The following GJA5 variants were observed in gnomAD, a reference collection of about 807,000 sequenced individuals.
The protein encoded by GJA5 is gap junction alpha-5 protein.
A neutral mutation model predicts 7.9 loss-of-function variants in GJA5; 3 were observed. That is an observed-to-expected ratio of 0.38 (90% CI 0.17 to 0.99). GJA5 has a LOEUF of 0.99. Among genes scored for constraint, GJA5 ranks in the 50% least tolerant of loss-of-function variants. The pLI is 0.38. For missense variants in GJA5, 390 were observed against 457.9 expected (o/e 0.85, Z 1.35); for synonymous variants, 193 against 181.0 (o/e 1.07, Z -0.53).
Position 147,758,927 on chromosome 1 carries a change from C to G in GJA5, c.312G>C (p.Glu104Asp). ...GHAMHTVRMQ[E>D]KRKLREAERA... ...TCTCGGCCTCCCGTAGCTTGCGCTT[C>G]TCCTGCATGCGCACAGTGTGCATGG... The change falls in exon 2 of 2, where the codon GAG (glutamate) becomes GAC (aspartate). Residue 104 changes from glutamate (E) to aspartate (D), a missense_variant. By Grantham distance (45) the Glu-to-Asp change is conservative (BLOSUM62 2). Transcript: ENST00000579774. 1 of 1,614,248 alleles carries G rather than the reference C, an allele frequency of 6.2e-7. No homozygotes were observed. Among genetic ancestry groups the G allele is most frequent in the Non-Finnish European group, 8.5e-7 (1 of 1,180,050 alleles).
upstream of GJA5, among the ~76,000 whole-genome samples, chr1:147,762,847 T>C (rs1177978475): frequency 3.9e-5 from 6 of 152,236 alleles, no homozygotes; most frequent in African/African-American, 1.2e-4. Context: ...ACTGGGCGTA[T>C]AGCATATAAA....
chr1:147,761,412 T>C (rs1664007867), upstream of GJA5, among the ~76,000 whole-genome samples: 1 of 152,128 alleles, frequency 6.6e-6, no homozygotes, highest in African/African-American at 2.4e-5. Context: ...AGCTCTTGAG[T>C]TGATTGTTGC....
chr1:147,762,169 A>C (rs1014906514), upstream of GJA5, among the ~76,000 whole-genome samples: 8 of 152,220 alleles, frequency 5.3e-5, no homozygotes, highest in African/African-American at 1.7e-4. Context: ...GGAGGGAAAA[A>C]GAGAAAGCAG....
At chr1:147,760,337 G>A (rs587705137) in intron 1 of GJA5, among the ~76,000 whole-genome samples, 162 bp downstream of exon 1, 1 of 152,184 alleles carries the variant, frequency 6.6e-6, no homozygotes, top group African/African-American at 2.4e-5. Flanking sequence ...GCCATGCCAA[G>A]TCTTCCCAAA....
chr1:147,766,508 G>C (rs1427099412), intron 1 of GJA5, among the ~76,000 whole-genome samples: 2 of 152,120 alleles, frequency 1.3e-5, no homozygotes, highest in Non-Finnish European at 2.9e-5. Flanking sequence ...AATGACGATG[G>C]TGACCAGAAC....
At chr1:147,764,591 G>A (rs1344660546), upstream of GJA5, among the ~76,000 whole-genome samples, 3 of 152,048 alleles carry the variant, frequency 2.0e-5, no homozygotes, top group Non-Finnish European at 4.4e-5. Context: ...TTGGAAGGCC[G>A]AGGCGGGCAG....
intron 1 of GJA5, among the ~76,000 whole-genome samples, chr1:147,769,445 C>T (rs1417043936): frequency 1.3e-5 from 2 of 152,216 alleles, no homozygotes; most frequent in African/African-American, 4.8e-5. Flanking sequence ...ACTCATCTAA[C>T]AAATAGGAAT....
Position 147,758,887 on chromosome 1 carries a change from G to C in GJA5, c.352C>G (p.Arg118Gly). ...LREAERAKEVRGSGSYEYPVA... is the reference protein window; with the variant it reads ...LREAERAKEVGGSGSYEYPVA... ...GGGTACTCGTAAGAGCCAGAGCCCC[G>C]GACCTCTTTGGCCCTCTCGGCCTCC... Residue 118 changes from arginine (R) to glycine (G), a missense_variant, in exon 2 of 2, where the codon CGG becomes GGG. Physicochemically the swap from Arg to Gly is moderately radical, Grantham distance 125. Around this residue, in one of 2 missense-constraint regions of GJA5, gnomAD observed 354 missense variants for 370.9 expected, o/e 0.95. Coordinates refer to ENST00000579774, the MANE Select transcript of GJA5 (RefSeq NM_181703.4). 1 of 1,614,222 alleles carries C rather than the reference G, an allele frequency of 6.2e-7. No individual in the cohort carries two copies. Among genetic ancestry groups the C allele is most frequent in the African/African-American group, 1.3e-5 (1 of 75,054 alleles).
chr1:147,757,772 G>A lies in GJA5; in HGVS notation c.*390C>T, dbSNP rs1404025312. On this transcript the variant is annotated 3_prime_UTR_variant, in exon 2 of 2. Coordinates refer to ENST00000579774, the MANE Select transcript of GJA5 (RefSeq NM_181703.4). Reference sequence around the variant, plus strand: ...TCCTTGGAGGAGGGAGGGTGATCAGGTCAAGGAGGTAGGAACTTAGAGAAC... The same window carrying A: ...TCCTTGGAGGAGGGAGGGTGATCAGATCAAGGAGGTAGGAACTTAGAGAAC... The A allele has an allele frequency of 3.5e-6, 1 of 282,072 alleles. No individual in the cohort carries two copies. Among genetic ancestry groups the A allele is most frequent in the African/African-American group, 2.2e-5 (1 of 45,944 alleles). 17.5% of individuals were successfully genotyped at this position (282,072 alleles called of 1,614,324 possible). A position where few individuals can be genotyped will look rare whatever the true frequency, so the allele number is the denominator to read the frequency against.
chr1:147,765,519 G>T (rs1664168088), upstream of GJA5, among the ~76,000 whole-genome samples: 1 of 152,170 alleles, frequency 6.6e-6, no homozygotes, highest in South Asian at 2.1e-4. Flanking sequence ...GTCTGTAGGG[G>T]TGTGGAGTGG....
In GJA5 at chr1:147,758,495, G is replaced by T. The variant is rs1557942871; in HGVS notation, c.744C>A (p.Cys248Ter). Residue 248 changes from cysteine (C) to a stop codon, truncating the protein, a stop_gained, in exon 2 of 2, where the codon TGC (cysteine) becomes TGA (stop). Coordinates refer to ENST00000579774, the MANE Select transcript of GJA5 (RefSeq NM_181703.4). LOFTEE classifies it low-confidence loss of function (END_TRUNC). ...FVKPRQHMAK[C>*]QLSGPSVGIV... Reference sequence around the variant, plus strand: ...TGCCCACAGAGGGGCCAGAAAGCTGGCACTTAGCCATGTGCTGCCGCGGTT... The same window carrying T: ...TGCCCACAGAGGGGCCAGAAAGCTGTCACTTAGCCATGTGCTGCCGCGGTT... 2 of 1,614,220 alleles carry T rather than the reference G, an allele frequency of 1.2e-6. No individual in the cohort carries two copies. The highest frequency in any genetic ancestry group is 1.7e-6 in the Non-Finnish European group (2 of 1,180,006).
At chr1:147,771,574 G>A (rs868931088) in intron 1 of GJA5, among the ~76,000 whole-genome samples, 7 of 152,206 alleles carry the variant, frequency 4.6e-5, no homozygotes, top group Non-Finnish European at 7.3e-5. Context: ...CAGTTAAGAT[G>A]TAAGAACAGT....
chr1:147,761,987 T>A (rs791274), upstream of GJA5, among the ~76,000 whole-genome samples: 1 of 152,042 alleles, frequency 6.6e-6, no homozygotes, highest in African/African-American at 2.4e-5. Context: ...AGATAAATGA[T>A]TCAATCTGTG....
At chr1:147,769,349 TC>T (rs1217564035) in intron 1 of GJA5, among the ~76,000 whole-genome samples, 1 of 152,222 alleles carries the variant, frequency 6.6e-6, no homozygotes, top group Non-Finnish European at 1.5e-5. Flanking sequence ...ACTTCCGGTC[TC>T]TAAGGACTAG....
At chr1:147,760,439 C>T (rs1553227261) in intron 1 of GJA5, 60 bp downstream of exon 1, 1 of 152,442 alleles carries the variant, frequency 6.6e-6, no homozygotes, top group East Asian at 1.9e-4. Flanking sequence ...CTCCTCCAGC[C>T]CTCCCTCCTC....
At chr1:147,763,898 C>T (rs1190798596), upstream of GJA5, among the ~76,000 whole-genome samples, 1 of 152,186 alleles carries the variant, frequency 6.6e-6, no homozygotes, top group Non-Finnish European at 1.5e-5. Context: ...CAACCTCTGC[C>T]TCCCAGTTTC....
Position 147,758,903 on chromosome 1 carries a change from C to T in GJA5, c.336G>A (p.Glu112=), listed in dbSNP as rs1463025651. The change falls in exon 2 of 2, where the codon GAG becomes GAA. Residue 112 remains glutamate, a synonymous_variant. Transcript: ENST00000579774. ...MQEKRKLREA[E]RAKEVRGSGS... is the part of the protein sequence containing the mutation. Reference sequence around the variant, plus strand: ...CAGAGCCCCGGACCTCTTTGGCCCTCTCGGCCTCCCGTAGCTTGCGCTTCT... The same window carrying T: ...CAGAGCCCCGGACCTCTTTGGCCCTTTCGGCCTCCCGTAGCTTGCGCTTCT... The T allele has an allele frequency of 1.2e-6, 2 of 1,614,138 alleles. No individual in the cohort carries two copies. The highest frequency in any genetic ancestry group is 8.5e-7 in the Non-Finnish European group (1 of 1,180,048).
chr1:147,761,296 G>T (rs192953131), upstream of GJA5, among the ~76,000 whole-genome samples: 8 of 152,250 alleles, frequency 5.3e-5, no homozygotes, highest in East Asian at 1.5e-3. Context: ...AACTTTGACC[G>T]TCATATCTTT....
intron 1 of GJA5, among the ~76,000 whole-genome samples, chr1:147,772,042 C>A (rs1664425033): frequency 6.6e-6 from 1 of 152,182 alleles, no homozygotes; most frequent in African/African-American, 2.4e-5. Context: ...CAGCCATGAG[C>A]CACAGCACCA....
Sources: gnomAD v4.1 joint callset for allele counts (sites outside exome capture counted in the v4.1 genomes callset) on GRCh38, gnomAD v4.1.1 for gene constraint, gnomAD v4.1.1 regional missense constraint, MANE v1.5 for transcripts, NCBI Gene and HGNC (gene_info 2026-07-23, HGNC 2026-07-21) for gene names.